WDPCP: variants seen among roughly 807,000 people sequenced by gnomAD.
WDPCP encodes WD repeat containing planar cell polarity effector.
A neutral mutation model predicts 93.1 loss-of-function variants in WDPCP; 71 were observed. The ratio of observed to expected loss-of-function variants is 0.76; its 90% CI spans 0.63 to 0.93. The LOEUF is 0.93. WDPCP is among the 40% of genes least tolerant of loss of function. The probability of loss-of-function intolerance (pLI) is 0.00; values close to 1 mark genes in which losing one functional copy is unlikely to be tolerated. For missense variants in WDPCP, 844 were observed against 887.4 expected (o/e 0.95, Z 0.62); for synonymous variants, 315 against 315.0 (o/e 1.00, Z 0.00).
At chr2:63,776,328 C>T (rs548952160) in intron 2 of WDPCP, among the ~76,000 whole-genome samples, 5 of 151,600 alleles carry the variant, frequency 3.3e-5, no homozygotes, top group South Asian at 4.2e-4. Flanking sequence ...GTATAAAACA[C>T]GGAAAGATAT....
chr2:63,588,496 G>A (rs1709041276), upstream of WDPCP: 1 of 633,610 alleles, frequency 1.6e-6, no homozygotes, highest in Non-Finnish European at 2.8e-6. Context: ...CGCCCCTCCA[G>A]AGTGTCAATC....
chr2:63,248,334 T>A (rs1416542146), intron 14 of WDPCP, among the ~76,000 whole-genome samples: 2 of 152,212 alleles, frequency 1.3e-5, no homozygotes, highest in Non-Finnish European at 2.9e-5. Context: ...TTATTGAGAA[T>A]CCCTTGTATA....
chr2:63,272,632 T>C (rs1682751837), intron 13 of WDPCP, among the ~76,000 whole-genome samples: 2 of 152,166 alleles, frequency 1.3e-5, no homozygotes, highest in Admixed American at 1.3e-4. Context: ...TCAACAGAGA[T>C]ATCATTTAAA....
intron 2 of WDPCP, among the ~76,000 whole-genome samples, chr2:63,788,686 A>G (rs1322887141): frequency 6.6e-6 from 1 of 152,242 alleles, no homozygotes; most frequent in African/African-American, 2.4e-5. Flanking sequence ...AAAAAAAGAA[A>G]TAAATCAAAG....
At chr2:63,454,600 GT>G (rs1698499473) in intron 6 of WDPCP, among the ~76,000 whole-genome samples, 1 of 152,148 alleles carries the variant, frequency 6.6e-6, no homozygotes, top group Admixed American at 6.5e-5. Context: ...GGAGTTATCA[GT>G]ATTCCTGAAG....
chr2:63,687,947 C>T (rs1370118524), intron 2 of WDPCP, among the ~76,000 whole-genome samples: 2 of 152,172 alleles, frequency 1.3e-5, no homozygotes, highest in Non-Finnish European at 2.9e-5. Flanking sequence ...AAGTGTCCAT[C>T]AACAGATGAA....
intron 14 of WDPCP, among the ~76,000 whole-genome samples, chr2:63,176,179 T>G (rs1372269010): frequency 2.6e-5 from 4 of 152,216 alleles, no homozygotes; most frequent in Non-Finnish European, 5.9e-5. Context: ...TAAGTGATAC[T>G]GAGCATCTTT....
intron 2 of WDPCP, among the ~76,000 whole-genome samples, chr2:63,810,518 A>G (rs1282370146): frequency 6.6e-6 from 1 of 152,216 alleles, no homozygotes; most frequent in Non-Finnish European, 1.5e-5. Flanking sequence ...GAGACAGATG[A>G]CAGGCATTGG....
intron 8 of WDPCP, among the ~76,000 whole-genome samples, chr2:63,437,155 C>T (rs1420958030): frequency 6.6e-6 from 1 of 151,964 alleles, no homozygotes. Flanking sequence ...AAAAGTGTAA[C>T]TTGCCTCTAT....
chr2:63,510,170 C>T (rs1702139478), intron 1 of WDPCP, among the ~76,000 whole-genome samples: 3 of 152,084 alleles, frequency 2.0e-5, no homozygotes, highest in Admixed American at 1.3e-4. Context: ...AACATCAATG[C>T]AAAAATCCTT....
At chr2:63,832,253 T>C (rs1196264671), upstream of WDPCP, among the ~76,000 whole-genome samples, 2 of 152,248 alleles carry the variant, frequency 1.3e-5, no homozygotes, top group Non-Finnish European at 2.9e-5. Flanking sequence ...CTACTTCATG[T>C]AGCTTGTCAT....
chr2:63,671,115 A>C (rs944828987), intron 2 of WDPCP, among the ~76,000 whole-genome samples: 1 of 152,142 alleles, frequency 6.6e-6, no homozygotes. Flanking sequence ...CCAGGAGGGT[A>C]GCTGGGATCC....
intron 2 of WDPCP, among the ~76,000 whole-genome samples, chr2:63,730,631 T>C (rs1364386361): frequency 1.3e-5 from 2 of 152,126 alleles, no homozygotes; most frequent in African/African-American, 4.8e-5. Flanking sequence ...ACCTGGCTAA[T>C]TTTTTTATTT....
chr2:63,439,725 T>C (rs1244709453), intron 7 of WDPCP, 32 bp downstream of exon 7: 17 of 1,578,494 alleles, frequency 1.1e-5, no homozygotes, highest in Non-Finnish European at 1.5e-5. Flanking sequence ...ACTGTTAATG[T>C]AGGCAATTGA....
intron 14 of WDPCP, among the ~76,000 whole-genome samples, chr2:63,248,677 G>A (rs145557135): frequency 2.0e-4 from 30 of 152,164 alleles, no homozygotes; most frequent in African/African-American, 7.2e-4. Context: ...ATTTGATGAT[G>A]TCCCATAAAT....
At chr2:63,327,816 C>T (rs185367760) in intron 12 of WDPCP, among the ~76,000 whole-genome samples, 3 of 152,190 alleles carry the variant, frequency 2.0e-5, no homozygotes, top group East Asian at 3.9e-4. Context: ...CCTCTAGAAT[C>T]GAGGCCATCA....
At chr2:63,439,658 G>C (rs1465178446) in intron 7 of WDPCP, 99 bp downstream of exon 7, 6 of 1,033,324 alleles carry the variant, frequency 5.8e-6, no homozygotes, top group Admixed American at 5.5e-5. Flanking sequence ...TGTTGTGTTT[G>C]CAAGTCCCCA....
intron 3 of WDPCP, among the ~76,000 whole-genome samples, chr2:63,621,280 A>G (rs1709733377): frequency 6.6e-6 from 1 of 152,132 alleles, no homozygotes; most frequent in Non-Finnish European, 1.5e-5. Flanking sequence ...GAACCTTGAA[A>G]AAAGGTTAGA....
At chr2:63,556,467 G>A (rs904621759) in intron 1 of WDPCP, among the ~76,000 whole-genome samples, 7 of 152,178 alleles carry the variant, frequency 4.6e-5, no homozygotes, top group African/African-American at 9.7e-5. Context: ...TAGCAAAGCA[G>A]ACCAACATTC....
Sources: gnomAD v4.1 joint callset for allele counts (sites outside exome capture counted in the v4.1 genomes callset) on GRCh38, gnomAD v4.1.1 for gene constraint, MANE v1.5 for transcripts, NCBI Gene and HGNC (gene_info 2026-07-23, HGNC 2026-07-21) for gene names.